CDK14: variants seen among roughly 807,000 people sequenced by gnomAD.
CDK14 encodes cyclin-dependent kinase 14.
In CDK14, 34 loss-of-function variants were observed where a neutral mutation model predicts 60.7. That is an observed-to-expected ratio of 0.56 (90% CI 0.43 to 0.75). CDK14 has a LOEUF of 0.75. CDK14 is among the 30% of genes least tolerant of loss of function. The probability of loss-of-function intolerance (pLI) is 0.00; values close to 1 mark genes in which losing one functional copy is unlikely to be tolerated. For synonymous variants in CDK14, 197 were observed against 203.7 expected, an observed-to-expected ratio of 0.97 and a Z score of 0.28; for missense variants, 482 against 564.1, an observed-to-expected ratio of 0.85 and a Z score of 1.47.
rs1283886483 is a variant in CDK14, at chr7:90,920,898, T to TATAC, written c.826+3176_826+3179dup. Among the ~76,000 whole-genome samples, 52 of 152,296 alleles carry TATAC rather than the reference T, an allele frequency of 3.4e-4. 1 individual carries two copies. Among genetic ancestry groups the TATAC allele is most frequent in the Non-Finnish European group, 5.9e-5 (4 of 68,022 alleles). On this transcript the variant is annotated intron_variant, in intron 8 of 14. Transcript: ENST00000380050. ...TTGGAGACCCTTCAGCTTTAAACAGTATACAGCTCTGAATTCCAGGTAGTC... is the reference window on the plus strand; with the variant it reads ...TTGGAGACCCTTCAGCTTTAAACAGTATACATACAGCTCTGAATTCCAGGTAGTC...
rs1004321850 is a variant in CDK14 at position 90,596,568 on chromosome 7, C to G, written c.-60C>G. 6.2e-6 allele frequency: 9 copies of G among 1,444,754 alleles called. No homozygotes were observed. The highest frequency in any genetic ancestry group is 2.8e-5 in the African/African-American group (2 of 71,068). 89.5% of individuals were successfully genotyped at this position (1,444,754 alleles called of 1,614,324 possible). On this transcript the variant is annotated 5_prime_UTR_variant, in exon 1 of 15. Coordinates refer to ENST00000380050, the MANE Select transcript of CDK14 (RefSeq NM_001287135.2). The stretch of plus-strand genomic sequence containing the variant: ...CTTTCCCCGCGGCGCGCGCCCTCGC[C>G]GTTGTCTGAGCTGTGCCTGGACCAG...
Position 90,818,014 on chromosome 7 carries a change from C to A in CDK14, c.544+27362C>A, listed in dbSNP as rs530863575. ...AGCCCATCTGACTCTTAAAGCACAG[C>A]TCTTAACACTAGGAAGTGCTGCTTC... On this transcript the variant is annotated intron_variant, in intron 5 of 14. Transcript: ENST00000380050. 2.0e-5 allele frequency among the ~76,000 whole-genome samples: 3 copies of A among 152,236 alleles called. No individual in the cohort carries two copies. In the South Asian group the frequency reaches 6.2e-4, roughly 32 times the overall value.
At chr7:90,863,698 T>TGTGTGTGTGTGTGTGTGTGTGTTTG in intron 6 of CDK14, among the ~76,000 whole-genome samples, 1 of 58,468 alleles carries the variant, frequency 1.7e-5, no homozygotes. Context: ...GTGTGTGTGT[T>TGTGTGTGTGTGTGTGTGTGTGTTTG]TGTGTGTGTG....
chr7:91,192,472 A>G (rs1464001), intron 14 of CDK14, among the ~76,000 whole-genome samples: 84,576 of 152,012 alleles, frequency 0.56, 25,177 homozygotes, highest in Middle Eastern at 0.66. Flanking sequence ...AAGGCCCAGA[A>G]ACACAATAAA....
intron 2 of CDK14, among the ~76,000 whole-genome samples, chr7:90,664,377 G>A (rs1263506588): frequency 3.3e-5 from 5 of 152,158 alleles, no homozygotes; most frequent in Non-Finnish European, 7.4e-5. Flanking sequence ...GGAAGTCGGT[G>A]TGGCGATTCC....
chr7:90,909,458 G>A (rs373725298), intron 7 of CDK14, among the ~76,000 whole-genome samples: 3 of 121,846 alleles, frequency 2.5e-5, no homozygotes, highest in Non-Finnish European at 4.8e-5. Context: ...CATGCTTCAC[G>A]GTATATACAA....
At chr7:91,028,187 G>A (rs1431324169) in intron 10 of CDK14, among the ~76,000 whole-genome samples, 2 of 150,990 alleles carry the variant, frequency 1.3e-5, no homozygotes, top group African/African-American at 2.4e-5. Context: ...TAGGATAATG[G>A]CCTCCAGTTC....
intron 10 of CDK14, among the ~76,000 whole-genome samples, chr7:91,041,503 C>T (rs1318819017): frequency 6.6e-6 from 1 of 152,186 alleles, no homozygotes; most frequent in Non-Finnish European, 1.5e-5. Context: ...CTAATAACTT[C>T]TTCCCTATAT....
intron 2 of CDK14, among the ~76,000 whole-genome samples, chr7:90,615,346 T>G (rs569974664): frequency 6.6e-6 from 1 of 152,348 alleles, no homozygotes; most frequent in East Asian, 1.9e-4. Flanking sequence ...TCTACAATTC[T>G]GTGTGCTCTT....
chr7:90,940,955 A>G (rs1309235138), intron 8 of CDK14, among the ~76,000 whole-genome samples: 1 of 152,228 alleles, frequency 6.6e-6, no homozygotes. Flanking sequence ...CAGTTCAACC[A>G]GTTAACTCAA....
intron 7 of CDK14, among the ~76,000 whole-genome samples, chr7:90,909,233 A>G (rs148046416): frequency 3.8e-4 from 58 of 152,298 alleles, no homozygotes; most frequent in African/African-American, 1.3e-3. Flanking sequence ...ATTCTGGCAG[A>G]CAGAAACTTG....
chr7:91,083,954 C>A (rs1404924740), intron 12 of CDK14, among the ~76,000 whole-genome samples: 1 of 152,196 alleles, frequency 6.6e-6, no homozygotes, highest in African/African-American at 2.4e-5. Flanking sequence ...GCCTGACATG[C>A]AACTCATCTC....
rs1044749661 is a variant in CDK14 at position 90,798,091 on chromosome 7, T to C, written c.544+7439T>C. Among the ~76,000 whole-genome samples the C allele has an allele frequency of 3.9e-5, 6 of 152,106 alleles. No individual in the cohort carries two copies. The Middle Eastern group carries it at 0.01, about 259-fold the overall frequency. ...GAATGTTCTGGAGATCAGGGAATGATAGAAAAATAGTTGGGGCCTTGATCA... is the reference window on the plus strand; with the variant it reads ...GAATGTTCTGGAGATCAGGGAATGACAGAAAAATAGTTGGGGCCTTGATCA... On this transcript the variant is annotated intron_variant, in intron 5 of 14. Coordinates refer to ENST00000380050, the MANE Select transcript of CDK14 (RefSeq NM_001287135.2).
At chr7:90,709,302 A>G (rs1340763103) in intron 2 of CDK14, 9 of 769,312 alleles carry the variant, frequency 1.2e-5, no homozygotes, top group Non-Finnish European at 1.7e-5. Flanking sequence ...TTGGCCTTCT[A>G]TAGGATCCCA....
intron 14 of CDK14, among the ~76,000 whole-genome samples, chr7:91,123,807 C>T (rs1306471218): frequency 3.3e-5 from 5 of 152,120 alleles, no homozygotes; most frequent in East Asian, 1.9e-4. Flanking sequence ...GCAGAGGACT[C>T]GCAGGCTCTC....
intron 4 of CDK14, 68 bp from the exon 5 acceptor site, chr7:90,790,505 A>G: frequency 1.0e-6 from 1 of 976,354 alleles, no homozygotes; most frequent in Admixed American, 2.4e-5. Context: ...TATAAATTAT[A>G]AGGAAGACAA....
chr7:90,801,822 GTA>G (rs915300983), intron 5 of CDK14, among the ~76,000 whole-genome samples: 18 of 152,096 alleles, frequency 1.2e-4, no homozygotes, highest in African/African-American at 3.9e-4. Flanking sequence ...TAAATGATAA[GTA>G]TATAATCATC....
intron 5 of CDK14, among the ~76,000 whole-genome samples, chr7:90,794,723 A>T (rs1452724238): frequency 6.6e-6 from 1 of 152,174 alleles, no homozygotes; most frequent in Non-Finnish European, 1.5e-5. Context: ...CACAATCATC[A>T]CAGGGTCCTG....
intron 5 of CDK14, among the ~76,000 whole-genome samples, chr7:90,834,389 CAAGT>C (rs112980984): frequency 0.03 from 4,510 of 152,076 alleles, 83 homozygotes; most frequent in African/African-American, 0.056. Context: ...AAGTGAAAAG[CAAGT>C]AAGGCTGGAA....
Sources: allele counts gnomAD v4.1 joint callset (sites outside exome capture counted in the v4.1 genomes callset), GRCh38; gene constraint gnomAD v4.1.1; transcripts MANE v1.5; gene names NCBI Gene and HGNC (gene_info 2026-07-23, HGNC 2026-07-21).